PCNX4: variants seen among roughly 807,000 people sequenced by gnomAD.
PCNX4 encodes the protein pecanex-like protein 4.
In PCNX4, 103 loss-of-function variants were observed where a neutral mutation model predicts 107.2. The ratio of observed to expected loss-of-function variants is 0.96; its 90% CI spans 0.82 to 1.13. PCNX4 has a LOEUF of 1.13. PCNX4 is among the 50% of genes most tolerant of loss of function. The pLI is 0.00. For missense variants in PCNX4, 1,528 were observed against 1,379.4 expected (o/e 1.11, Z -1.71); for synonymous variants, 541 against 481.7 (o/e 1.12, Z -1.61).
rs763225583 is a variant in PCNX4, at chr14:60,121,267, T to C, written c.2014T>C (p.Cys672Arg). ...DRLMWIMILE[C>R]GYTYCSINIK... ...TTTAATGTGGATAATGATTCTGGAA[T>C]GTGGCTATACTTACTGCTCTATTAA... The change falls in exon 8 of 11, where the codon TGT (cysteine) becomes CGT (arginine). Residue 672 changes from cysteine to arginine, a missense_variant. Cys to Arg is a radical substitution (Grantham distance 180). Coordinates refer to ENST00000406854, the MANE Select transcript of PCNX4 (RefSeq NM_001330177.2). 2.5e-6 allele frequency: 4 copies of C among 1,607,960 alleles called. No homozygotes were observed. Among genetic ancestry groups the C allele is most frequent in the Non-Finnish European group, 3.4e-6 (4 of 1,176,372 alleles).
chr14:60,111,693 C>G (rs1895743687), intron 2 of PCNX4, among the ~76,000 whole-genome samples: 1 of 152,226 alleles, frequency 6.6e-6, no homozygotes, highest in East Asian at 1.9e-4. Context: ...TCCCGACATT[C>G]TGCATTATTC....
At chr14:60,132,597 A>G (rs1024514341) in intron 10 of PCNX4, among the ~76,000 whole-genome samples, 1 of 152,200 alleles carries the variant, frequency 6.6e-6, no homozygotes, top group Non-Finnish European at 1.5e-5. Context: ...CAAAAGAAAA[A>G]TAGATAAATA....
chr14:60,107,359 A>T (rs916063482), intron 1 of PCNX4, among the ~76,000 whole-genome samples: 2 of 152,314 alleles, frequency 1.3e-5, no homozygotes, highest in Admixed American at 1.3e-4. Flanking sequence ...AGCTTGGGTG[A>T]CAGAGTGATA....
chr14:60,109,614 T>C (rs1336983022), intron 2 of PCNX4: 3 of 159,230 alleles, frequency 1.9e-5, no homozygotes, highest in African/African-American at 4.8e-5. Flanking sequence ...CTAATTTTTA[T>C]ATTTTTAATA....
At position 60,107,971 on chromosome 14, in the gene PCNX4, A is replaced by T. The variant is rs1341989259; in HGVS notation, c.333A>T (p.Ala111=). 6.2e-7 allele frequency: 1 copy of T among 1,612,890 alleles called. No homozygotes were observed. The highest frequency in any genetic ancestry group is 8.5e-7 in the Non-Finnish European group (1 of 1,179,868). Residue 111 remains alanine, a synonymous_variant, in exon 2 of 11, where the codon GCA becomes GCT. Coordinates refer to ENST00000406854, the MANE Select transcript of PCNX4 (RefSeq NM_001330177.2). The part of the protein sequence containing the change: ...VERILTTDIL[A]EEDEHEFTSC... ...GAATACTAACCACGGATATCTTAGC[A>T]GAGGAGGATGAGCATGAATTTACCA...
At chr14:60,117,914 G>A (rs891244204) in intron 6 of PCNX4, among the ~76,000 whole-genome samples, 1 of 152,100 alleles carries the variant, frequency 6.6e-6, no homozygotes, top group African/African-American at 2.4e-5. Flanking sequence ...CTGAGCCTCA[G>A]CTTCTCTCTG....
chr14:60,095,697 C>A (rs1895410672), intron 1 of PCNX4, among the ~76,000 whole-genome samples: 1 of 151,420 alleles, frequency 6.6e-6, no homozygotes, highest in African/African-American at 2.4e-5. Context: ...CTTTTTTGAG[C>A]TGCTTTCTTA....
chr14:60,124,916 G>T lies in PCNX4; in HGVS notation c.2745G>T (p.Glu915Asp), dbSNP rs1449254754. 3 of 1,613,742 alleles carry T rather than the reference G, an allele frequency of 1.9e-6. No individual in the cohort carries two copies. The Admixed American group carries it at 5.0e-5, about 27-fold the overall frequency. ...CTCACTTAGTATGCTTACCCGCAGAGTGGAGGACTAGCTGTATGCCCAGTT... is the reference window on the plus strand; with the variant it reads ...CTCACTTAGTATGCTTACCCGCAGATTGGAGGACTAGCTGTATGCCCAGTT... Reference protein sequence around the residue: ...SHSHLVCLPAEWRTSCMPSSK... With the variant: ...SHSHLVCLPADWRTSCMPSSK... The change falls in exon 9 of 11, where the codon GAG (glutamate) becomes GAT (aspartate). Residue 915 changes from glutamate to aspartate, a missense_variant. Coordinates refer to ENST00000406854, the MANE Select transcript of PCNX4 (RefSeq NM_001330177.2).
chr14:60,121,086 C>G (rs1480418948), intron 7 of PCNX4, 110 bp from the exon 8 acceptor site: 8 of 1,316,824 alleles, frequency 6.1e-6, no homozygotes, highest in Non-Finnish European at 8.0e-6. Context: ...GGGTAGGAGT[C>G]GTGAATCAGT....
Position 60,125,730 on chromosome 14 carries a change from C to G in PCNX4, c.3174C>G (p.Asp1058Glu). ...AGTACCTTGAAGAATATGAACGTGA[C>G]TGGTACATTGGTTTGGTATCTGATG... ...LIKYLEEYER[D>E]WYIGLVSDEK... is the part of the protein sequence containing the mutation. The change falls in exon 10 of 11, where the codon GAC becomes GAG. Residue 1058 changes from aspartate (D) to glutamate (E), a missense_variant. By Grantham distance (45) the Asp-to-Glu change is conservative. Transcript: ENST00000406854. 1 of 1,610,878 alleles carries G rather than the reference C, an allele frequency of 6.2e-7. No individual in the cohort carries two copies. The highest frequency in any genetic ancestry group is 1.3e-5 in the African/African-American group (1 of 74,836).
At position 60,091,951 on chromosome 14, in the gene PCNX4, C is replaced by A. The variant is rs1227886330; in HGVS notation, c.-522C>A. The A allele has an allele frequency of 6.6e-6, 1 of 152,436 alleles. No homozygotes were observed. The highest frequency in any genetic ancestry group is 1.5e-5 in the Non-Finnish European group (1 of 68,184). The allele number at this position is 152,436 out of a possible 1,614,324, so 9.4% of individuals were successfully genotyped here. A position where few individuals can be genotyped will look rare whatever the true frequency, so the allele number is the denominator to read the frequency against. On this transcript the variant is annotated 5_prime_UTR_variant, in exon 1 of 11. Transcript: ENST00000406854. ...TAAAGGCCCGGCCCAAGGGAACGTTCAGGGCGTCTCGGCTTTCCCCGCTGC... is the reference window on the plus strand; with the variant it reads ...TAAAGGCCCGGCCCAAGGGAACGTTAAGGGCGTCTCGGCTTTCCCCGCTGC...
At chr14:60,096,837 C>G (rs992744742) in intron 1 of PCNX4, among the ~76,000 whole-genome samples, 13 of 152,122 alleles carry the variant, frequency 8.5e-5, no homozygotes, top group African/African-American at 2.7e-4. Context: ...AAATCAATAC[C>G]AATTTAAAAG....
Position 60,114,768 on chromosome 14 carries a change from C to G in PCNX4, c.758C>G (p.Pro253Arg). The stretch of plus-strand genomic sequence containing the variant: ...TTACACATCTTGTTTGTATTTTTAC[C>G]CTTTCTGTGGGCACTTGGGACTCTG... ...QILHILFVFL[P>R]FLWALGTLPP... The change falls in exon 3 of 11, where the codon CCC (proline) becomes CGC (arginine). Residue 253 changes from proline (P) to arginine (R), a missense_variant. Coordinates refer to ENST00000406854, the MANE Select transcript of PCNX4 (RefSeq NM_001330177.2). The G allele has an allele frequency of 6.2e-7, 1 of 1,613,326 alleles. No homozygotes were observed. Among genetic ancestry groups the G allele is most frequent in the African/African-American group, 1.3e-5 (1 of 74,838 alleles).
rs1353006250 is a variant in PCNX4 at position 60,092,072 on chromosome 14, C to T, written c.-401C>T. On this transcript the variant is annotated 5_prime_UTR_variant, in exon 1 of 11. Transcript: ENST00000406854. ...GCCTAGTCCTGGCGCGAACGAAGCG[C>T]GCTATTTCCCTGCTTCCTCTAGGCC... 1 of 152,338 alleles carries T rather than the reference C, an allele frequency of 6.6e-6. No individual in the cohort carries two copies. Among genetic ancestry groups the T allele is most frequent in the Non-Finnish European group, 1.5e-5 (1 of 68,116 alleles). The allele number at this position is 152,338 out of a possible 1,614,324, so 9.4% of individuals were successfully genotyped here.
At chr14:60,112,743 G>A (rs1028980070) in intron 2 of PCNX4, among the ~76,000 whole-genome samples, 5 of 151,916 alleles carry the variant, frequency 3.3e-5, no homozygotes, top group African/African-American at 9.7e-5. Flanking sequence ...ACCTTCCTGC[G>A]GCTTACTATT....
chr14:60,128,111 A>G (rs1024890693), intron 10 of PCNX4, among the ~76,000 whole-genome samples: 1 of 152,206 alleles, frequency 6.6e-6, no homozygotes, highest in Non-Finnish European at 1.5e-5. Flanking sequence ...GAACACCATT[A>G]ACTGCTCCAA....
chr14:60,145,222 C>T lies in PCNX4; in HGVS notation c.*11001C>T. 2.4e-6 allele frequency: 1 copy of T among 409,660 alleles called. No individual in the cohort carries two copies. 25.4% of individuals were successfully genotyped at this position (409,660 alleles called of 1,614,324 possible). ...AAAGTACTTCTAATGAGTTTAGCAT[C>T]ATCTCTGGTTTAGAGGAGGTATAAA... On this transcript the variant is annotated 3_prime_UTR_variant, in exon 11 of 11. Coordinates refer to ENST00000406854, the MANE Select transcript of PCNX4 (RefSeq NM_001330177.2). This position sits in a 1 kb window ranked among gnomAD's most constrained non-coding sequence, Gnocchi z 4.0.
At chr14:60,107,520 G>T in intron 1 of PCNX4, 66 bp from the exon 2 acceptor site, 1 of 859,062 alleles carries the variant, frequency 1.2e-6, no homozygotes, top group Non-Finnish European at 1.7e-6. Flanking sequence ...AGTAATGTGA[G>T]GTTTTTCCTC....
rs560018377 is a variant in PCNX4 at position 60,112,362 on chromosome 14, AT to A, written c.690-2329del. Among the ~76,000 whole-genome samples, 663 of 151,804 alleles carry A rather than the reference AT, an allele frequency of 4.4e-3. 6 individuals are homozygous for A. Among genetic ancestry groups the A allele is most frequent in the African/African-American group, 0.015 (615 of 41,414 alleles). ...CTAAGTTTTCATCTTAAAAACTGAG[AT>A]TTTTTTTTACCTTAGAAAATTTCTA... On this transcript the variant is annotated intron_variant, in intron 2 of 10. Transcript: ENST00000406854.
Sources: allele counts gnomAD v4.1 joint callset (sites outside exome capture counted in the v4.1 genomes callset), GRCh38; gene constraint gnomAD v4.1.1; non-coding constraint Gnocchi (gnomAD v3.1); transcripts MANE v1.5; gene names NCBI Gene and HGNC (gene_info 2026-07-23, HGNC 2026-07-21).